Variants in ARHGEF4 observed in about 807,000 individuals in gnomAD.
ARHGEF4 encodes Rho guanine nucleotide exchange factor 4.
ARHGEF4 carries 119 observed loss-of-function variants against 162.0 expected under a neutral mutation model. That is an observed-to-expected ratio of 0.73 (90% confidence interval 0.63 to 0.86). ARHGEF4 has a LOEUF of 0.86. ARHGEF4 is among the 40% of genes least tolerant of loss of function. ARHGEF4 has a pLI of 0.00. For synonymous variants in ARHGEF4, 1,014 were observed against 979.9 expected, an observed-to-expected ratio of 1.03 and a Z score of -0.65; for missense variants, 2,488 against 2,456.0, an observed-to-expected ratio of 1.01 and a Z score of -0.28.
intron 1 of ARHGEF4, among the ~76,000 whole-genome samples, chr2:130,855,040 A>C (rs1201546631): frequency 2.0e-5 from 3 of 146,476 alleles, no homozygotes; most frequent in Non-Finnish European, 4.5e-5. Context: ...CGCCCGGCAA[A>C]TTTTTTTTTT....
rs1681529417 is a variant in ARHGEF4, at chr2:130,916,830, G to C, written c.2884G>C (p.Gly962Arg). The C allele has an allele frequency of 6.5e-7, 1 of 1,550,276 alleles. No homozygotes were observed. The highest frequency in any genetic ancestry group is 1.4e-5 in the African/African-American group (1 of 72,994). ...GGCGTTTCTGAAAAGCAAAGATGCCGGAAGCCCCAAAAAGCCCACCCTAGT... is the reference window on the plus strand; with the variant it reads ...GGCGTTTCTGAAAAGCAAAGATGCCCGAAGCCCCAAAAAGCCCACCCTAGT... ...WRAFLKSKDA[G>R]SPKKPTLVSL... The change falls in exon 2 of 14, where the codon GGA becomes CGA. Residue 962 changes from glycine (G) to arginine (R), a missense_variant. Physicochemically the swap from Gly to Arg is moderately radical, Grantham distance 125. Coordinates refer to ENST00000409359, the MANE Select transcript of ARHGEF4 (RefSeq NM_001367493.1).
chr2:130,939,260 G>A (rs979581028), intron 3 of ARHGEF4, among the ~76,000 whole-genome samples: 3 of 152,216 alleles, frequency 2.0e-5, no homozygotes, highest in Non-Finnish European at 4.4e-5. Flanking sequence ...GGCTGCATAA[G>A]TTGTGGGATT....
chr2:131,035,964 T>A (rs1690246613), intron 5 of ARHGEF4: 2 of 674,622 alleles, frequency 3.0e-6, no homozygotes, highest in Non-Finnish European at 1.8e-6. Flanking sequence ...CTCCCTGCCC[T>A]GGGCTATTTG....
At chr2:130,922,625 C>T (rs1189852259) in intron 2 of ARHGEF4, among the ~76,000 whole-genome samples, 2 of 152,108 alleles carry the variant, frequency 1.3e-5, no homozygotes, top group African/African-American at 4.8e-5. Context: ...TTTATGACTC[C>T]TCAGAGTGAG....
intron 2 of ARHGEF4, chr2:130,929,961 C>G (rs533138365): frequency 6.6e-6 from 1 of 151,562 alleles, no homozygotes; most frequent in African/African-American, 2.4e-5. Flanking sequence ...GGCGCAATCT[C>G]GGCTCACTGC....
At chr2:130,843,346 G>A (rs1680737874) in intron 1 of ARHGEF4, among the ~76,000 whole-genome samples, 1 of 152,198 alleles carries the variant, frequency 6.6e-6, no homozygotes, top group South Asian at 2.1e-4. Flanking sequence ...GGAACCCAAG[G>A]CTGGAGACCC....
chr2:130,998,012 G>T (rs1293406915), intron 4 of ARHGEF4, among the ~76,000 whole-genome samples: 5 of 152,234 alleles, frequency 3.3e-5, no homozygotes, highest in Admixed American at 6.5e-5. Flanking sequence ...TTCACTCTGT[G>T]TGTCATGAGC....
chr2:130,884,383 C>T (rs1269036007), intron 1 of ARHGEF4, among the ~76,000 whole-genome samples: 2 of 152,006 alleles, frequency 1.3e-5, no homozygotes, highest in African/African-American at 2.4e-5. Context: ...TGTTAGATGA[C>T]TAGTTTTGCC....
chr2:130,959,317 GTCATTTGCCAAGGACA>G (rs1263931455), intron 4 of ARHGEF4, among the ~76,000 whole-genome samples: 85 of 152,290 alleles, frequency 5.6e-4, no homozygotes, highest in African/African-American at 1.9e-3. Context: ...GGTTTACAGT[GTCATTTGCCAAGGACA>G]TTGATGGTAT....
chr2:130,867,355 C>G (rs1017045171), intron 1 of ARHGEF4, among the ~76,000 whole-genome samples: 2 of 151,968 alleles, frequency 1.3e-5, no homozygotes, highest in African/African-American at 4.8e-5. Flanking sequence ...TCTCCTGCCT[C>G]AGCCTCTTGA....
chr2:130,870,896 AG>A (rs1456175412), intron 1 of ARHGEF4, among the ~76,000 whole-genome samples: 1 of 152,150 alleles, frequency 6.6e-6, no homozygotes, highest in Non-Finnish European at 1.5e-5. Context: ...CAGGTGTTCC[AG>A]GTCTCCTGCC....
rs1186569121 is a variant in ARHGEF4 at position 130,916,181 on chromosome 2, G to C, written c.2235G>C (p.Gly745=). ...TGCGTGGGGAGAGCCGGAGCTCCGG[G>C]TCAGGGGAGCGTGGCCCGGAGGAGG... ...ERLRGESRSS[G]SGERGPEEAP... is the part of the protein sequence containing the mutation. The change falls in exon 2 of 14, where the codon GGG becomes GGC. Residue 745 remains glycine, a synonymous_variant. Coordinates refer to ENST00000409359, the MANE Select transcript of ARHGEF4 (RefSeq NM_001367493.1). 1 of 1,548,380 alleles carries C rather than the reference G, an allele frequency of 6.5e-7. No homozygotes were observed. The highest frequency in any genetic ancestry group is 1.4e-5 in the African/African-American group (1 of 72,998).
intron 1 of ARHGEF4, among the ~76,000 whole-genome samples, chr2:130,872,559 C>G (rs935075696): frequency 2.6e-5 from 4 of 152,176 alleles, no homozygotes; most frequent in Non-Finnish European, 5.9e-5. Flanking sequence ...GTCCCGTCCC[C>G]GTGACCACTG....
chr2:130,996,465 C>T (rs912034952), intron 4 of ARHGEF4, among the ~76,000 whole-genome samples: 20 of 152,228 alleles, frequency 1.3e-4, no homozygotes, highest in African/African-American at 3.9e-4. Context: ...TTTAAGACCT[C>T]TGTTGCTGTG....
rs766294491 is a variant in ARHGEF4 at position 131,040,248 on chromosome 2, C to T, written c.4483-13C>T. Reference sequence around the variant, plus strand: ...GACCCGGTCGGGGGAGGCCTAACCACGTCCGCCCGCAGGGCTACGTCCGGC... The same window carrying T: ...GACCCGGTCGGGGGAGGCCTAACCATGTCCGCCCGCAGGGCTACGTCCGGC... On this transcript the variant is annotated splice_polypyrimidine_tract_variant and intron_variant, in intron 7 of 13. Transcript: ENST00000409359. The T allele has an allele frequency of 5.0e-6, 8 of 1,611,394 alleles. No individual in the cohort carries two copies. The highest frequency in any genetic ancestry group is 5.9e-6 in the Non-Finnish European group (7 of 1,179,044).
chr2:130,983,778 T>C (rs988051927), intron 4 of ARHGEF4, among the ~76,000 whole-genome samples: 1 of 152,168 alleles, frequency 6.6e-6, no homozygotes, highest in Admixed American at 6.5e-5. Context: ...GCCGCCTGAA[T>C]AGCTGGGACT....
chr2:130,888,447 G>T (rs1679656221), intron 1 of ARHGEF4, among the ~76,000 whole-genome samples: 1 of 151,862 alleles, frequency 6.6e-6, no homozygotes, highest in Admixed American at 6.6e-5. Flanking sequence ...CTCCAGCCTG[G>T]CTGAGCGAGA....
At chr2:130,873,564 G>A (rs1364237644) in intron 1 of ARHGEF4, among the ~76,000 whole-genome samples, 1 of 148,792 alleles carries the variant, frequency 6.7e-6, no homozygotes, top group African/African-American at 2.5e-5. Context: ...TCCAGCCTGG[G>A]AGACAGGAGT....
chr2:130,887,882 G>A (rs1028585840), intron 1 of ARHGEF4, among the ~76,000 whole-genome samples: 10 of 152,030 alleles, frequency 6.6e-5, no homozygotes, highest in African/African-American at 1.9e-4. Flanking sequence ...GGCTGGGGCC[G>A]AATGTCACTC....
Sources: gnomAD v4.1 joint callset for allele counts (sites outside exome capture counted in the v4.1 genomes callset) on GRCh38, gnomAD v4.1.1 for gene constraint, MANE v1.5 for transcripts, NCBI Gene and HGNC (gene_info 2026-07-23, HGNC 2026-07-21) for gene names.